The following SEC24B variants were observed in gnomAD, a reference collection of about 807,000 sequenced individuals.
The protein encoded by SEC24B is protein transport protein Sec24B.
SEC24B carries 45 observed loss-of-function variants against 142.8 expected under a neutral mutation model. The observed-to-expected ratio is 0.32, with a 90% confidence interval of 0.25 to 0.40. SEC24B has a LOEUF of 0.40. SEC24B is among the 10% of genes least tolerant of loss of function. The probability of loss-of-function intolerance (pLI) is 1.00; values close to 1 mark genes in which losing one functional copy is unlikely to be tolerated. For synonymous variants in SEC24B, 574 were observed against 568.2 expected, an observed-to-expected ratio of 1.01 and a Z score of -0.15; for missense variants, 1,409 against 1,526.8, an observed-to-expected ratio of 0.92 and a Z score of 1.29.
In SEC24B at chr4:109,540,538, T is replaced by C. The variant is rs1726069963; in HGVS notation, c.*863T>C. 6.6e-6 allele frequency: 1 copy of C among 152,198 alleles called. No individual in the cohort carries two copies. Among genetic ancestry groups the C allele is most frequent in the Non-Finnish European group, 1.5e-5 (1 of 68,034 alleles). 9.4% of individuals were successfully genotyped at this position (152,198 alleles called of 1,614,324 possible). On this transcript the variant is annotated 3_prime_UTR_variant, in exon 24 of 24. Transcript: ENST00000265175. ...TGGGTTTTTTTACATACAGGATGTA[T>C]TGAATTTACTAATTGGGGAAGTGCA...
At chr4:109,517,304 AT>A (rs34345091) in intron 11 of SEC24B, among the ~76,000 whole-genome samples, 26,541 of 151,968 alleles carry the variant, frequency 0.17, 2,616 homozygotes, top group African/African-American at 0.27. Context: ...TAAAAAGAAA[AT>A]TTTTTCTCAT....
intron 12 of SEC24B, among the ~76,000 whole-genome samples, chr4:109,520,798 G>C (rs887352556): frequency 1.3e-5 from 2 of 152,108 alleles, no homozygotes; most frequent in African/African-American, 2.4e-5. Flanking sequence ...TTCGAGACCA[G>C]CCTAACTAAC....
Position 109,518,053 on chromosome 4 carries a change from C to T in SEC24B, c.2126+1413C>T, listed in dbSNP as rs191429902. Among the ~76,000 whole-genome samples the T allele has an allele frequency of 5.9e-3, 901 of 152,106 alleles. 5 individuals are homozygous for T. The highest frequency in any genetic ancestry group is 9.3e-3 in the Non-Finnish European group (633 of 67,996). Reference sequence around the variant, plus strand: ...CGCGATCTCAGCTCACTGCAACTTCCGCCTTCTGGGTTCAAGCAATTCTCT... The same window carrying T: ...CGCGATCTCAGCTCACTGCAACTTCTGCCTTCTGGGTTCAAGCAATTCTCT... On this transcript the variant is annotated intron_variant, in intron 11 of 23. Coordinates refer to ENST00000265175, the MANE Select transcript of SEC24B (RefSeq NM_006323.5).
chr4:109,456,696 T>C (rs1730730811), intron 1 of SEC24B, among the ~76,000 whole-genome samples: 1 of 152,234 alleles, frequency 6.6e-6, no homozygotes, highest in South Asian at 2.1e-4. Flanking sequence ...TGAATCACAT[T>C]GAATGTATTT....
intron 3 of SEC24B, among the ~76,000 whole-genome samples, chr4:109,474,778 T>G (rs1732925653): frequency 6.6e-6 from 1 of 152,220 alleles, no homozygotes. Context: ...CTATCATCTT[T>G]TTATAAATAA....
At chr4:109,481,541 T>G (rs1051277433) in intron 3 of SEC24B, 136 bp from the exon 4 acceptor site, 10 of 622,460 alleles carry the variant, frequency 1.6e-5, no homozygotes, top group Admixed American at 2.7e-5. Flanking sequence ...GATAATGAAT[T>G]TGCTAATATT....
intron 10 of SEC24B, 33 bp from the exon 11 acceptor site, chr4:109,516,495 C>T: frequency 7.6e-7 from 1 of 1,307,334 alleles, no homozygotes; most frequent in Non-Finnish European, 1.1e-6. Context: ...ATTGTACCTA[C>T]CAAATAACTT....
chr4:109,442,083 G>A (rs2125893960), intron 1 of SEC24B, among the ~76,000 whole-genome samples: 1 of 152,274 alleles, frequency 6.6e-6, no homozygotes, highest in African/African-American at 2.4e-5. Context: ...GGGTGTGTGG[G>A]TGTGCAAGCA....
intron 14 of SEC24B, among the ~76,000 whole-genome samples, chr4:109,522,241 C>G (rs1358321209): frequency 1.3e-5 from 2 of 151,242 alleles, no homozygotes; most frequent in Non-Finnish European, 2.9e-5. Context: ...TTAGTAGAGA[C>G]AGGGTTTCAC....
intron 1 of SEC24B, among the ~76,000 whole-genome samples, chr4:109,462,246 T>C (rs921025573): frequency 6.6e-6 from 1 of 152,190 alleles, no homozygotes; most frequent in African/African-American, 2.4e-5. Context: ...ATGGGTATAT[T>C]AGTTACTGAT....
intron 1 of SEC24B, among the ~76,000 whole-genome samples, chr4:109,448,551 C>T (rs1460043409): frequency 6.6e-6 from 1 of 151,976 alleles, no homozygotes; most frequent in Non-Finnish European, 1.5e-5. Context: ...TCTCCTGCCT[C>T]AGCCTCCCAA....
At chr4:109,458,255 C>T (rs550443405) in intron 1 of SEC24B, among the ~76,000 whole-genome samples, 73 of 152,198 alleles carry the variant, frequency 4.8e-4, no homozygotes, top group South Asian at 3.3e-3. Flanking sequence ...TCATTTCTCT[C>T]GATATCCCTT....
At chr4:109,489,098 G>C (rs1734708905) in intron 4 of SEC24B, among the ~76,000 whole-genome samples, 1 of 152,024 alleles carries the variant, frequency 6.6e-6, no homozygotes, top group Non-Finnish European at 1.5e-5. Context: ...GAGCACAAAA[G>C]TTCTTAATTT....
chr4:109,453,782 G>A (rs1458226390), intron 1 of SEC24B, among the ~76,000 whole-genome samples: 14 of 151,988 alleles, frequency 9.2e-5, no homozygotes, highest in Admixed American at 9.2e-4. Context: ...ATTGATTGCG[G>A]AAGTGATAAA....
chr4:109,436,830 G>A (rs1301708022), intron 1 of SEC24B, among the ~76,000 whole-genome samples: 1 of 152,248 alleles, frequency 6.6e-6, no homozygotes, highest in East Asian at 1.9e-4. Flanking sequence ...TGCTGAACAT[G>A]TGGAGATGCT....
Position 109,512,002 on chromosome 4 carries a change from T to C in SEC24B, c.1822T>C (p.Cys608Arg). The C allele has an allele frequency of 6.2e-7, 1 of 1,613,674 alleles. No homozygotes were observed. Among genetic ancestry groups the C allele is most frequent in the South Asian group, 1.1e-5 (1 of 91,056 alleles). ...TSNTIVRCRS[C>R]RTYINPFVSF... is the part of the protein sequence containing the mutation. ...AAATACCATTGTGAGGTGCCGATCC[T>C]GTCGAACGTATATTAACCCCTTTGT... Residue 608 changes from cysteine to arginine, a missense_variant, in exon 9 of 24, where the codon TGT (cysteine) becomes CGT (arginine). Cys to Arg is a radical substitution (Grantham distance 180). Transcript: ENST00000265175.
intron 8 of SEC24B, among the ~76,000 whole-genome samples, chr4:109,510,779 C>T (rs952565074): frequency 6.6e-6 from 1 of 152,072 alleles, no homozygotes; most frequent in Admixed American, 6.6e-5. Flanking sequence ...ATTTGTACTT[C>T]ATAAGTTGCA....
intron 1 of SEC24B, among the ~76,000 whole-genome samples, chr4:109,446,272 C>T (rs143550439): frequency 5.3e-5 from 8 of 152,118 alleles, no homozygotes; most frequent in Admixed American, 2.6e-4. Context: ...GAGCCAGCAG[C>T]GAAGGAAATG....
chr4:109,472,989 G>C lies in SEC24B; in HGVS notation c.878-15G>C. 1 of 1,471,920 alleles carries C rather than the reference G, an allele frequency of 6.8e-7. No homozygotes were observed. The highest frequency in any genetic ancestry group is 1.6e-5 in the South Asian group (1 of 64,264). 91.2% of individuals were successfully genotyped at this position (1,471,920 alleles called of 1,614,324 possible). On this transcript the variant is annotated splice_polypyrimidine_tract_variant and intron_variant, in intron 2 of 23. Coordinates refer to ENST00000265175, the MANE Select transcript of SEC24B (RefSeq NM_006323.5). ...ATTTCAAGTTTCTGTGGATGAAATA[G>C]TTTCTTCTCTTCAGTTGCAGATTCT...
Sources: allele counts gnomAD v4.1 joint callset (sites outside exome capture counted in the v4.1 genomes callset), GRCh38; gene constraint gnomAD v4.1.1; transcripts MANE v1.5; gene names NCBI Gene and HGNC (gene_info 2026-07-23, HGNC 2026-07-21).